TRIM46: variants seen among roughly 807,000 people sequenced by gnomAD.
TRIM46 encodes tripartite motif-containing protein 46.
Under a neutral mutation model 69.7 loss-of-function variants are expected in TRIM46, and 17 were observed. The ratio of observed to expected loss-of-function variants is 0.24; its 90% CI spans 0.17 to 0.37. The LOEUF is 0.37. Among genes scored for constraint, TRIM46 ranks in the 10% least tolerant of loss-of-function variants. The pLI is 1.00. For synonymous variants in TRIM46, 391 were observed against 429.0 expected, an observed-to-expected ratio of 0.91 and a Z score of 1.09; for missense variants, 675 against 1,025.1, an observed-to-expected ratio of 0.66 and a Z score of 4.66.
chr1:155,174,776 T>C, intron 1 of TRIM46: 9 of 1,456,032 alleles, frequency 6.2e-6, no homozygotes, highest in Non-Finnish European at 6.3e-6. Context: ...GGGGTGCCGC[T>C]GACCGGGTTG....
chr1:155,177,546 G>A (rs977024131), intron 5 of TRIM46, among the ~76,000 whole-genome samples: 6 of 152,172 alleles, frequency 3.9e-5, no homozygotes, highest in South Asian at 2.1e-4. Flanking sequence ...AACCCCACGC[G>A]TAGCTCAGAT....
At position 155,178,492 on chromosome 1, in the gene TRIM46, G is replaced by C; in HGVS notation, c.1164G>C (p.Arg388Ser). 1 of 1,613,810 alleles carries C rather than the reference G, an allele frequency of 6.2e-7. No homozygotes were observed. The highest frequency in any genetic ancestry group is 8.5e-7 in the Non-Finnish European group (1 of 1,180,008). ...FVQAAKQLHN[R>S]IARATEALQT... ...TGACCCTTTCTTGCCCCCATCCCAG[G>C]ATTGCCCGAGCCACTGAAGCCCTCC... The change falls in exon 7 of 10, where the codon AGG becomes AGC. Residue 388 changes from arginine to serine, a missense_variant and splice_region_variant. Around this residue, in one of 5 missense-constraint regions of TRIM46, gnomAD observed 361 missense variants for 498.3 expected, o/e 0.72. Coordinates refer to ENST00000334634, the MANE Select transcript of TRIM46 (RefSeq NM_025058.5).
intron 5 of TRIM46, 74 bp downstream of exon 5, chr1:155,177,364 G>C: frequency 1.5e-6 from 2 of 1,295,852 alleles, no homozygotes; most frequent in Non-Finnish European, 2.2e-6. Context: ...GGGTGATCAT[G>C]ACCCAATCAC....
chr1:155,178,624 G>A lies in TRIM46; in HGVS notation c.1285+11G>A, dbSNP rs759270899. The A allele has an allele frequency of 6.2e-7, 1 of 1,611,666 alleles. No homozygotes were observed. The highest frequency in any genetic ancestry group is 2.2e-5 in the East Asian group (1 of 44,868). The stretch of plus-strand genomic sequence containing the variant: ...TTAACTTCCTGCGAGGTAAGGAGAT[G>A]GCCAGGCCCCATGCCCAACCAGAGC... On this transcript the variant is annotated intron_variant, in intron 7 of 9. Transcript: ENST00000334634.
At chr1:155,178,823 G>C (rs578159090) in intron 7 of TRIM46, 1 of 1,465,644 alleles carries the variant, frequency 6.8e-7, no homozygotes, top group Non-Finnish European at 9.1e-7. Flanking sequence ...TGGCCACCGC[G>C]GACTCTGCTC....
chr1:155,175,549 A>T lies in TRIM46; in HGVS notation c.227A>T (p.Glu76Val). The change falls in exon 2 of 10, where the codon GAG becomes GTG. Residue 76 changes from glutamate to valine, a missense_variant. By Grantham distance (121) the Glu-to-Val change is moderately radical. This residue lies in a region of TRIM46 where 170 missense variants were observed against 255.6 expected (regional missense o/e 0.67). Coordinates refer to ENST00000334634, the MANE Select transcript of TRIM46 (RefSeq NM_025058.5). This position sits in a 1 kb window ranked among gnomAD's most constrained non-coding sequence, Gnocchi z 4.2. ...YIGHGGDPSS[E>V]PTSPASTPST... ...GGACATGGTGGGGACCCCAGCTCCG[A>T]GCCCACCTCTCCTGCCTCCACCCCT... 1 of 1,613,754 alleles carries T rather than the reference A, an allele frequency of 6.2e-7. No individual in the cohort carries two copies. The highest frequency in any genetic ancestry group is 1.3e-5 in the African/African-American group (1 of 75,030).
In TRIM46 at chr1:155,184,151, G is replaced by C; in HGVS notation, c.2241G>C (p.Glu747Asp). 3 of 1,613,412 alleles carry C rather than the reference G, an allele frequency of 1.9e-6. No homozygotes were observed. Among genetic ancestry groups the C allele is most frequent in the Non-Finnish European group, 2.5e-6 (3 of 1,179,840 alleles). The part of the protein sequence containing the change: ...QLQEPVGTKP[E>D]RKVTIGGFAK... ...AGGAGCCAGTGGGCACTAAGCCTGA[G>C]AGGAAAGTCACCATTGGGGGCTTCG... The change falls in exon 10 of 10, where the codon GAG becomes GAC. Residue 747 changes from glutamate (E) to aspartate (D), a missense_variant. Physicochemically the swap from Glu to Asp is conservative, Grantham distance 45. This residue lies in a region of TRIM46 where 108 missense variants were observed against 153.0 expected (regional missense o/e 0.71). Transcript: ENST00000334634. This position sits in a 1 kb window ranked among gnomAD's most constrained non-coding sequence, Gnocchi z 5.6.
At chr1:155,174,571 C>T (rs753926887) in intron 1 of TRIM46, 3 of 1,514,426 alleles carry the variant, frequency 2.0e-6, no homozygotes, top group South Asian at 2.5e-5. Context: ...CTTCCTCCCC[C>T]CCTCCTTGTT....
chr1:155,178,709 G>A (rs1665890996), intron 7 of TRIM46, 96 bp downstream of exon 7: 2 of 1,566,380 alleles, frequency 1.3e-6, no homozygotes. Flanking sequence ...GGACCTCCCC[G>A]GCCTCCTGCC....
chr1:155,178,739 T>TGGGGCGC, intron 7 of TRIM46, 126 bp downstream of exon 7: 1 of 1,348,474 alleles, frequency 7.4e-7, no homozygotes, highest in Non-Finnish European at 1.0e-6. Flanking sequence ...CAGCCATTCC[T>TGGGGCGC]CCCACCCAGC....
Position 155,178,112 on chromosome 1 carries a change from G to A in TRIM46, c.1020G>A (p.Gln340=). 1 of 1,614,180 alleles carries A rather than the reference G, an allele frequency of 6.2e-7. No individual in the cohort carries two copies. Among genetic ancestry groups the A allele is most frequent in the Non-Finnish European group, 8.5e-7 (1 of 1,180,016 alleles). Residue 340 remains glutamine, a synonymous_variant, in exon 6 of 10, where the codon CAG becomes CAA. Transcript: ENST00000334634. ...TTCAGGCCATTGAAGAATGCCAGCA[G>A]GAGCGGCTGGCCCGTCTCAGCGCCC... ...SLLQAIEECQ[Q]ERLARLSAQI...
chr1:155,176,457 C>G (rs1041510574), intron 3 of TRIM46, among the ~76,000 whole-genome samples: 1 of 152,168 alleles, frequency 6.6e-6, no homozygotes, highest in Non-Finnish European at 1.5e-5. Flanking sequence ...CCTGCAATGT[C>G]CATACCTAAA....
In TRIM46 at chr1:155,184,272, G is replaced by A; in HGVS notation, c.*82G>A. ...TCTTGGCACCCGGTTGTTACCCCCT[G>A]GCAGCTTCTCCCCCAAACTCTCCTA... On this transcript the variant is annotated 3_prime_UTR_variant, in exon 10 of 10. Coordinates refer to ENST00000334634, the MANE Select transcript of TRIM46 (RefSeq NM_025058.5). This position sits in a 1 kb window ranked among gnomAD's most constrained non-coding sequence, Gnocchi z 5.6. 1 of 1,406,236 alleles carries A rather than the reference G, an allele frequency of 7.1e-7. No homozygotes were observed. The highest frequency in any genetic ancestry group is 9.4e-7 in the Non-Finnish European group (1 of 1,064,308). 87.1% of individuals were successfully genotyped at this position (1,406,236 alleles called of 1,614,324 possible). A position where few individuals can be genotyped will look rare whatever the true frequency, so the allele number is the denominator to read the frequency against.
chr1:155,180,045 T>TCA, intron 8 of TRIM46, 111 bp downstream of exon 8: 2 of 1,183,940 alleles, frequency 1.7e-6, no homozygotes, highest in South Asian at 1.6e-5. Context: ...ATAGTAGGTC[T>TCA]CACACACACT....
rs1557810743 is a variant in TRIM46, at chr1:155,177,082, A to G, written c.813+7A>G. The G allele has an allele frequency of 6.2e-7, 1 of 1,612,024 alleles. No individual in the cohort carries two copies. The highest frequency in any genetic ancestry group is 8.5e-7 in the Non-Finnish European group (1 of 1,178,402). On this transcript the variant is annotated splice_region_variant and intron_variant, in intron 4 of 9. Transcript: ENST00000334634. Reference sequence around the variant, plus strand: ...TGCCTACCAGGCCCTCAAGGTAAGGACCCCCCTTATCCAACCCTAGTGCTA... The same window carrying G: ...TGCCTACCAGGCCCTCAAGGTAAGGGCCCCCCTTATCCAACCCTAGTGCTA...
intron 7 of TRIM46, 126 bp downstream of exon 7, chr1:155,178,739 T>TTGCCCCCCCCCCCCCCCCCCCCCC: frequency 4.4e-6 from 6 of 1,348,472 alleles, no homozygotes; most frequent in Non-Finnish European, 6.1e-6. Context: ...CAGCCATTCC[T>TTGCCCCCCCCCCCCCCCCCCCCCC]CCCACCCAGC....
intron 9 of TRIM46, 31 bp downstream of exon 9, chr1:155,182,180 G>A: frequency 1.2e-6 from 2 of 1,605,090 alleles, no homozygotes; most frequent in Non-Finnish European, 1.7e-6. Context: ...ATGGGGTGTG[G>A]GGGTCCTGGT....
chr1:155,178,739 T>TTGGGGCC, intron 7 of TRIM46, 126 bp downstream of exon 7: 61 of 1,348,308 alleles, frequency 4.5e-5, no homozygotes, highest in Non-Finnish European at 5.9e-5. Flanking sequence ...CAGCCATTCC[T>TTGGGGCC]CCCACCCAGC....
chr1:155,178,673 C>T (rs1043986975), intron 7 of TRIM46, 60 bp downstream of exon 7: 9 of 1,599,938 alleles, frequency 5.6e-6, no homozygotes, highest in Non-Finnish European at 6.8e-6. Context: ...TCCCCAGCAG[C>T]GGGCCCGGGG....
Sources: gnomAD v4.1 joint callset for allele counts (sites outside exome capture counted in the v4.1 genomes callset) on GRCh38, gnomAD v4.1.1 for gene constraint, gnomAD v4.1.1 regional missense constraint, Gnocchi (gnomAD v3.1) non-coding constraint, MANE v1.5 for transcripts, NCBI Gene and HGNC (gene_info 2026-07-23, HGNC 2026-07-21) for gene names.